Variants in GLI2 observed in about 807,000 individuals in gnomAD.
GLI2 encodes the protein transcription activator GLI2.
GLI2 carries 22 observed loss-of-function variants against 78.9 expected under a neutral mutation model. The observed-to-expected ratio is 0.28, with a 90% CI of 0.20 to 0.40. GLI2 has a LOEUF of 0.40. Among genes scored for constraint, GLI2 ranks in the 10% least tolerant of loss-of-function variants. The pLI is 1.00. For synonymous variants in GLI2, 974 were observed against 963.7 expected (o/e 1.01, Z -0.20); for missense variants, 2,097 against 2,213.2 (o/e 0.95, Z 1.05).
intron 3 of GLI2, among the ~76,000 whole-genome samples, chr2:120,938,356 T>C (rs904007335): frequency 6.6e-6 from 1 of 152,154 alleles, no homozygotes; most frequent in Non-Finnish European, 1.5e-5. Flanking sequence ...GCTTTTTGGG[T>C]TTTCTGTTTG....
At chr2:120,978,339 G>A (rs950303788) in intron 9 of GLI2, 95 bp from the exon 10 acceptor site, 10 of 1,353,306 alleles carry the variant, frequency 7.4e-6, no homozygotes, top group African/African-American at 1.4e-5. Flanking sequence ...GGGGAGGGCT[G>A]GGGGGGTGCC....
chr2:120,951,573 G>A (rs928534811), intron 4 of GLI2, 128 bp downstream of exon 4: 18 of 627,780 alleles, frequency 2.9e-5, no homozygotes, highest in East Asian at 1.7e-4. Context: ...GCTGGCTGGC[G>A]TTCCTTCACA....
At chr2:120,793,914 A>G (rs1250248281) in intron 1 of GLI2, among the ~76,000 whole-genome samples, 13 of 152,158 alleles carry the variant, frequency 8.5e-5, no homozygotes. Context: ...CTCACTCCCC[A>G]TGGGGGCCTC....
At position 120,988,243 on chromosome 2, in the gene GLI2, G is replaced by C; in HGVS notation, c.2278G>C (p.Gly760Arg). 1 of 1,582,398 alleles carries C rather than the reference G, an allele frequency of 6.3e-7. No homozygotes were observed. The highest frequency in any genetic ancestry group is 8.6e-7 in the Non-Finnish European group (1 of 1,168,246). Residue 760 changes from glycine (G) to arginine (R), a missense_variant, in exon 14 of 14, where the codon GGC (glycine) becomes CGC (arginine). Around this residue, in one of 5 missense-constraint regions of GLI2, gnomAD observed 1,290 missense variants for 1,261.7 expected, o/e 1.02. Transcript: ENST00000361492. ...GGAAAACTTCAGTGGCAGTGGGGGC[G>C]GCGGGCCCGCGGGGCTGCTGCCGAA... ...ILENFSGSGG[G>R]GPAGLLPNPR...
chr2:120,865,169 T>A (rs572271141), intron 2 of GLI2, among the ~76,000 whole-genome samples: 1 of 152,308 alleles, frequency 6.6e-6, no homozygotes, highest in Non-Finnish European at 1.5e-5. Context: ...GGCTCGAGTG[T>A]CTGAGCGCTT....
chr2:120,918,438 CTTTTT>C (rs563960856), intron 2 of GLI2, among the ~76,000 whole-genome samples: 4 of 127,052 alleles, frequency 3.1e-5, no homozygotes, highest in Non-Finnish European at 1.7e-5. Context: ...CATAAATATT[CTTTTT>C]TTTTTTTTTT....
intron 5 of GLI2, 131 bp downstream of exon 5, chr2:120,955,561 A>C (rs1273216824): frequency 1.3e-5 from 8 of 626,376 alleles, no homozygotes; most frequent in Middle Eastern, 8.6e-4. Context: ...AATGCCTTCC[A>C]GGATGGCTGT....
At chr2:120,842,562 C>G (rs1366397493) in intron 2 of GLI2, among the ~76,000 whole-genome samples, 1 of 152,174 alleles carries the variant, frequency 6.6e-6, no homozygotes, top group Non-Finnish European at 1.5e-5. Context: ...AGGTGCGTCC[C>G]ACATTTGAGA....
chr2:120,878,694 G>C (rs1688883456), intron 2 of GLI2, among the ~76,000 whole-genome samples: 1 of 152,026 alleles, frequency 6.6e-6, no homozygotes. Context: ...CAGCACTTTG[G>C]GAGGCCAAGG....
At chr2:120,987,746 A>T (rs944574222) in intron 13 of GLI2, among the ~76,000 whole-genome samples, 12 of 152,162 alleles carry the variant, frequency 7.9e-5, no homozygotes, top group Non-Finnish European at 1.6e-4. Context: ...TGCGTAACTC[A>T]GTCCTACGGA....
intron 2 of GLI2, among the ~76,000 whole-genome samples, chr2:120,843,823 C>G (rs28595336): frequency 2.0e-5 from 3 of 152,110 alleles, no homozygotes; most frequent in Admixed American, 1.3e-4. Context: ...CATGCCACCA[C>G]GCTTGGCTAA....
At chr2:120,918,719 G>A (rs572896071) in intron 2 of GLI2, among the ~76,000 whole-genome samples, 1 of 152,318 alleles carries the variant, frequency 6.6e-6, no homozygotes, top group African/African-American at 2.4e-5. Flanking sequence ...GGGATTACAG[G>A]CGTGAGCCAC....
At chr2:120,744,206 T>A (rs1682633057) in intron 1 of GLI2, among the ~76,000 whole-genome samples, 2 of 152,228 alleles carry the variant, frequency 1.3e-5, no homozygotes. Context: ...CGTTGCAGTC[T>A]GATGACAGGT....
chr2:120,780,087 A>G (rs1212768794), intron 1 of GLI2, among the ~76,000 whole-genome samples: 1 of 151,848 alleles, frequency 6.6e-6, no homozygotes, highest in Non-Finnish European at 1.5e-5. Flanking sequence ...TTCATGGCAC[A>G]TAAATACCTT....
intron 1 of GLI2, among the ~76,000 whole-genome samples, chr2:120,783,990 G>A (rs557524082): frequency 1.3e-4 from 20 of 152,308 alleles, no homozygotes; most frequent in Admixed American, 9.1e-4. Flanking sequence ...CTGCGGCTTC[G>A]GCTTCGTGTG....
At chr2:120,816,657 A>AG (rs1685509682) in intron 2 of GLI2, among the ~76,000 whole-genome samples, 1 of 152,028 alleles carries the variant, frequency 6.6e-6, no homozygotes, top group African/African-American at 2.4e-5. Flanking sequence ...ATTAAAAAAA[A>AG]AAGTAAGAAG....
intron 5 of GLI2, among the ~76,000 whole-genome samples, chr2:120,966,127 C>T (rs1234463383): frequency 6.6e-6 from 1 of 152,142 alleles, no homozygotes; most frequent in Non-Finnish European, 1.5e-5. Context: ...CCTAACATCA[C>T]TTAACTCTTC....
chr2:120,746,699 T>C (rs1387290050), intron 1 of GLI2, among the ~76,000 whole-genome samples: 1 of 152,206 alleles, frequency 6.6e-6, no homozygotes, highest in Non-Finnish European at 1.5e-5. Context: ...AAAACATTAT[T>C]TGCCCCCCAA....
chr2:120,952,677 C>G (rs1396819900), intron 4 of GLI2, among the ~76,000 whole-genome samples: 1 of 152,210 alleles, frequency 6.6e-6, no homozygotes, highest in Non-Finnish European at 1.5e-5. Context: ...TGAAATGGCC[C>G]CTCAAGTCAG....
Sources: allele counts gnomAD v4.1 joint callset (sites outside exome capture counted in the v4.1 genomes callset), GRCh38; gene constraint gnomAD v4.1.1; regional missense constraint gnomAD v4.1.1; transcripts MANE v1.5; gene names NCBI Gene and HGNC (gene_info 2026-07-23, HGNC 2026-07-21).